KCNJ12: variants seen among roughly 807,000 people sequenced by gnomAD.
KCNJ12 encodes the protein potassium inwardly rectifying channel subfamily J member 12, also known as ATP-sensitive inward rectifier potassium channel 12.
A neutral mutation model predicts 22.3 loss-of-function variants in KCNJ12; 2 were observed. That is an observed-to-expected ratio of 0.09 (90% CI 0.04 to 0.28). KCNJ12 has a LOEUF of 0.28. Ranked by LOEUF, KCNJ12 falls within the 10% of genes least tolerant of loss-of-function variation. The pLI is 1.00. For synonymous variants in KCNJ12, 117 were observed against 261.4 expected, an observed-to-expected ratio of 0.45 and a Z score of 5.33; for missense variants, 155 against 633.3, an observed-to-expected ratio of 0.24 and a Z score of 8.11.
chr17:21,376,514 G>A lies in KCNJ12; in HGVS notation c.-578G>A, dbSNP rs1215605685. On this transcript the variant is annotated 5_prime_UTR_variant, in exon 1 of 3. Transcript: ENST00000583088. This position sits in a 1 kb window ranked among gnomAD's most constrained non-coding sequence, Gnocchi z 5.3. ...CTCCCTGGGAACAGTAGCCGGGGGA[G>A]GGGGACTGGCGCGGTCAGAGCCTGC... The A allele has an allele frequency of 6.6e-6, 1 of 152,056 alleles. No homozygotes were observed. The highest frequency in any genetic ancestry group is 2.4e-5 in the African/African-American group (1 of 41,402). The allele number at this position is 152,056 out of a possible 1,614,324, so 9.4% of individuals were successfully genotyped here. A position where few individuals can be genotyped will look rare whatever the true frequency, so the allele number is the denominator to read the frequency against.
chr17:21,400,634 G>A (rs1319509057), intron 1 of KCNJ12, among the ~76,000 whole-genome samples: 62 of 152,376 alleles, frequency 4.1e-4, no homozygotes, highest in South Asian at 3.3e-3. Flanking sequence ...GTCCTTTCCC[G>A]ACAAGGCCCT....
chr17:21,384,600 G>GGCCT (rs1905009533), intron 1 of KCNJ12, among the ~76,000 whole-genome samples: 1 of 152,050 alleles, frequency 6.6e-6, no homozygotes. Flanking sequence ...AGCTCGGAGG[G>GGCCT]GAGGCGCTCA....
chr17:21,404,616 C>T (rs1905822282), intron 1 of KCNJ12, among the ~76,000 whole-genome samples: 1 of 152,248 alleles, frequency 6.6e-6, no homozygotes, highest in African/African-American at 2.4e-5. Flanking sequence ...CCCCAAGACC[C>T]TCCAGGTCTC....
chr17:21,385,809 G>A (rs964821274), intron 1 of KCNJ12, among the ~76,000 whole-genome samples: 1 of 152,362 alleles, frequency 6.6e-6, no homozygotes, highest in Admixed American at 6.5e-5. Flanking sequence ...GCTGCCGCTG[G>A]GTGGGGATGC....
intron 1 of KCNJ12, among the ~76,000 whole-genome samples, chr17:21,393,329 G>T (rs900034553): frequency 6.6e-6 from 1 of 152,160 alleles, no homozygotes; most frequent in Non-Finnish European, 1.5e-5. Flanking sequence ...AGCCCTCAGA[G>T]GCCCTGCTTC....
intron 1 of KCNJ12, among the ~76,000 whole-genome samples, chr17:21,403,099 A>C (rs7217132): frequency 2.0e-5 from 3 of 152,312 alleles, no homozygotes; most frequent in African/African-American, 7.2e-5. Flanking sequence ...TGGGGAAATC[A>C]TGGAAGACTT....
rs1360304992 is a variant in KCNJ12, at chr17:21,416,602, G to A, written c.1260G>A (p.Gly420=). 2.5e-6 allele frequency: 4 copies of A among 1,604,370 alleles called. No individual in the cohort carries two copies. In the South Asian group the frequency reaches 3.3e-5, roughly 13 times the overall value. ...HDFDRLQAGG[G]VLEQRPYRRE... ...TTGACAGACTCCAGGCTGGCGGCGG[G>A]GTCCTGGAGCAGCGGCCCTACAGAC... The change falls in exon 3 of 3, where the codon GGG becomes GGA. Residue 420 remains glycine, a synonymous_variant. Transcript: ENST00000583088.
intron 1 of KCNJ12, among the ~76,000 whole-genome samples, chr17:21,387,627 G>A (rs1905111385): frequency 6.6e-6 from 1 of 152,016 alleles, no homozygotes; most frequent in Admixed American, 6.6e-5. Flanking sequence ...TCCTTCCCCT[G>A]TCGGAGGGTG....
chr17:21,400,409 C>T (rs1390935130), intron 1 of KCNJ12, among the ~76,000 whole-genome samples: 1 of 152,426 alleles, frequency 6.6e-6, no homozygotes, highest in South Asian at 2.1e-4. Flanking sequence ...CACACAGTCC[C>T]TCCTGTAGCC....
chr17:21,388,612 C>T (rs1204704014), intron 1 of KCNJ12, among the ~76,000 whole-genome samples: 1 of 152,202 alleles, frequency 6.6e-6, no homozygotes, highest in Non-Finnish European at 1.5e-5. Context: ...CTTTATTTCT[C>T]AGGAAGTAGT....
At chr17:21,394,940 C>A (rs143266988) in intron 1 of KCNJ12, among the ~76,000 whole-genome samples, 68 of 152,302 alleles carry the variant, frequency 4.5e-4, no homozygotes, top group African/African-American at 1.5e-3. Context: ...CAGGCCTGGA[C>A]ACAGACCATG....
At chr17:21,413,994 G>A (rs1906532030) in intron 2 of KCNJ12, among the ~76,000 whole-genome samples, 2 of 152,422 alleles carry the variant, frequency 1.3e-5, no homozygotes, top group South Asian at 4.1e-4. Flanking sequence ...CCAGGGAGCA[G>A]CCCATGTCTG....
intron 1 of KCNJ12, among the ~76,000 whole-genome samples, chr17:21,378,839 A>G (rs1283423262): frequency 6.6e-6 from 1 of 152,080 alleles, no homozygotes; most frequent in African/African-American, 2.4e-5. Context: ...CTCCCCCTGC[A>G]GCTACCCCGT....
intron 1 of KCNJ12, among the ~76,000 whole-genome samples, chr17:21,378,313 T>A (rs7220315): frequency 6.6e-6 from 1 of 152,160 alleles, no homozygotes; most frequent in Non-Finnish European, 1.5e-5. Flanking sequence ...CCAGAGGCTT[T>A]CGCTCTTTTT....
At position 21,387,928 on chromosome 17, in the gene KCNJ12, G is replaced by A. The variant is rs572918799; in HGVS notation, c.-179+11015G>A. 3.9e-5 allele frequency among the ~76,000 whole-genome samples: 6 copies of A among 152,266 alleles called. No homozygotes were observed. The South Asian group carries it at 6.2e-4, about 16-fold the overall frequency. ...GTCACTGCTGTGCCCCCCGAGGGTC[G>A]TGCTGGTTGGTAGCCCCCTTGACAG... is the stretch of plus-strand genomic sequence containing the variant. On this transcript the variant is annotated intron_variant, in intron 1 of 2. Transcript: ENST00000583088.
chr17:21,390,389 G>A (rs1330461631), intron 1 of KCNJ12, among the ~76,000 whole-genome samples: 2 of 152,334 alleles, frequency 1.3e-5, no homozygotes, highest in Non-Finnish European at 2.9e-5. Flanking sequence ...CCTGCCCCAC[G>A]GAGCTTCTGT....
At chr17:21,396,333 C>T (rs1017975218) in intron 1 of KCNJ12, among the ~76,000 whole-genome samples, 5 of 152,296 alleles carry the variant, frequency 3.3e-5, no homozygotes, top group South Asian at 2.1e-4. Flanking sequence ...AGGAAGTCAC[C>T]GAGCCAGCTC....
chr17:21,416,597 G>A lies in KCNJ12; in HGVS notation c.1255G>A (p.Gly419Ser), dbSNP rs77266866. The change falls in exon 3 of 3, where the codon GGC becomes AGC. Residue 419 changes from glycine (G) to serine (S), a missense_variant. Physicochemically the swap from Gly to Ser is moderately conservative, Grantham distance 56. Transcript: ENST00000583088. ...RHDFDRLQAGGGVLEQRPYRR... is the reference protein window; with the variant it reads ...RHDFDRLQAGSGVLEQRPYRR... Reference sequence around the variant, plus strand: ...TGACTTTGACAGACTCCAGGCTGGCGGCGGGGTCCTGGAGCAGCGGCCCTA... The same window carrying A: ...TGACTTTGACAGACTCCAGGCTGGCAGCGGGGTCCTGGAGCAGCGGCCCTA... 9.6e-4 allele frequency: 1,538 copies of A among 1,603,372 alleles called. No individual in the cohort carries two copies. Among genetic ancestry groups the A allele is most frequent in the South Asian group, 4.9e-3 (442 of 89,838 alleles).
rs1324453387 is a variant in KCNJ12, at chr17:21,416,939, C to T, written c.*295C>T. On this transcript the variant is annotated 3_prime_UTR_variant, in exon 3 of 3. Coordinates refer to ENST00000583088, the MANE Select transcript of KCNJ12 (RefSeq NM_021012.5). ...TGCCTGAAGATGGAGCTGCAGCCTG[C>T]GGGGAAGCAGCTCAGCTCGATGGTG... 4.9e-5 allele frequency: 25 copies of T among 513,894 alleles called. No homozygotes were observed. Among genetic ancestry groups the T allele is most frequent in the Non-Finnish European group, 7.0e-5 (20 of 287,702 alleles). The allele number at this position is 513,894 out of a possible 1,614,324, so 31.8% of individuals were successfully genotyped here. A position where few individuals can be genotyped will look rare whatever the true frequency, so the allele number is the denominator to read the frequency against.
Sources: allele counts gnomAD v4.1 joint callset (sites outside exome capture counted in the v4.1 genomes callset), GRCh38; gene constraint gnomAD v4.1.1; non-coding constraint Gnocchi (gnomAD v3.1); transcripts MANE v1.5; gene names NCBI Gene and HGNC (gene_info 2026-07-23, HGNC 2026-07-21).